Variants in DOP1A observed in about 807,000 individuals in gnomAD.
DOP1A encodes the protein protein DOP1A.
DOP1A carries 90 observed loss-of-function variants against 267.6 expected under a neutral mutation model. The observed-to-expected ratio is 0.34, with a 90% CI of 0.28 to 0.40. DOP1A has a LOEUF of 0.40. DOP1A is among the 10% of genes least tolerant of loss of function. The pLI is 1.00. For missense variants in DOP1A, 2,437 were observed against 2,900.4 expected (o/e 0.84, Z 3.67); for synonymous variants, 932 against 999.1 (o/e 0.93, Z 1.27).
intron 1 of DOP1A, among the ~76,000 whole-genome samples, chr6:83,085,302 A>G (rs997556747): frequency 6.6e-6 from 1 of 152,238 alleles, no homozygotes; most frequent in African/African-American, 2.4e-5. Context: ...AACAACTAAG[A>G]TAAGGCTATT....
chr6:83,166,354 G>C (rs776661540), intron 38 of DOP1A: 4 of 696,102 alleles, frequency 5.7e-6, no homozygotes, highest in East Asian at 5.4e-5. Flanking sequence ...CATCTTCAAG[G>C]CTCTAGTCTC....
downstream of DOP1A, chr6:83,168,946 A>G: frequency 8.8e-7 from 1 of 1,139,752 alleles, no homozygotes. Flanking sequence ...GCCTGCATGA[A>G]TTGTTCCCCA....
chr6:83,148,641 T>C (rs1199184330), intron 26 of DOP1A, 118 bp from the exon 27 acceptor site: 5 of 605,982 alleles, frequency 8.3e-6, no homozygotes, highest in Non-Finnish European at 1.4e-5. Flanking sequence ...TTAGTAAAAA[T>C]GTAAAGTTTT....
intron 6 of DOP1A, 48 bp downstream of exon 6, chr6:83,110,362 T>C (rs757071859): frequency 6.4e-7 from 1 of 1,564,888 alleles, no homozygotes; most frequent in African/African-American, 1.4e-5. Context: ...TTCTTTAGAG[T>C]CAGGCACTAT....
intron 26 of DOP1A, 62 bp from the exon 27 acceptor site, chr6:83,148,697 C>A (rs1781012274): frequency 2.6e-6 from 3 of 1,145,960 alleles, no homozygotes; most frequent in African/African-American, 1.6e-5. Context: ...AGAGAATGTT[C>A]CACAAACTAG....
At chr6:83,141,564 T>C (rs937623047) in intron 23 of DOP1A, among the ~76,000 whole-genome samples, 3 of 152,204 alleles carry the variant, frequency 2.0e-5, no homozygotes, top group African/African-American at 7.2e-5. Flanking sequence ...TGTTTCGTTT[T>C]ACTTAAATAA....
chr6:83,125,418 A>G (rs1051182567), intron 14 of DOP1A, 82 bp from the exon 15 acceptor site: 1 of 1,275,708 alleles, frequency 7.8e-7, no homozygotes, highest in East Asian at 2.4e-5. Context: ...GAGTAAAATC[A>G]TTGCCTATTT....
intron 7 of DOP1A, among the ~76,000 whole-genome samples, chr6:83,113,673 T>C (rs1582983503): frequency 6.6e-6 from 1 of 152,170 alleles, no homozygotes; most frequent in Non-Finnish European, 1.5e-5. Context: ...TTGTAACATA[T>C]AAAAAGCAAG....
chr6:83,127,125 T>A (rs887099938), intron 15 of DOP1A, among the ~76,000 whole-genome samples: 5 of 152,236 alleles, frequency 3.3e-5, no homozygotes, highest in Admixed American at 6.5e-5. Context: ...GTTCACATAG[T>A]GATGTTACCT....
chr6:83,074,830 G>A (rs994604298), intron 1 of DOP1A, among the ~76,000 whole-genome samples: 2 of 152,184 alleles, frequency 1.3e-5, no homozygotes, highest in Non-Finnish European at 2.9e-5. Flanking sequence ...CAACACTTTG[G>A]AAGGCCAAGG....
intron 1 of DOP1A, among the ~76,000 whole-genome samples, chr6:83,071,721 G>T (rs760979348): frequency 9.9e-5 from 15 of 152,072 alleles, no homozygotes; most frequent in South Asian, 2.1e-4. Flanking sequence ...AGTAAAAAAA[G>T]TTACTTTAAA....
chr6:83,085,653 G>A (rs960693909), intron 1 of DOP1A, among the ~76,000 whole-genome samples: 9 of 152,170 alleles, frequency 5.9e-5, no homozygotes, highest in Non-Finnish European at 1.2e-4. Flanking sequence ...TTTGTATTTA[G>A]GGTATAGCTA....
At chr6:83,110,033 G>A (rs2128175005) in intron 5 of DOP1A, 92 bp from the exon 6 acceptor site, 1 of 1,312,624 alleles carries the variant, frequency 7.6e-7, no homozygotes, top group Non-Finnish European at 1.0e-6. Flanking sequence ...TGTAGCATGG[G>A]TGTTTGCATA....
chr6:83,140,912 A>G (rs1001501528), intron 23 of DOP1A, among the ~76,000 whole-genome samples: 4 of 152,058 alleles, frequency 2.6e-5, no homozygotes, highest in African/African-American at 9.7e-5. Context: ...TAATATGCAA[A>G]GCCCTCCTAG....
In DOP1A at chr6:83,110,245, T is replaced by C; in HGVS notation, c.612T>C (p.Leu204=). The C allele has an allele frequency of 6.2e-7, 1 of 1,614,092 alleles. No individual in the cohort carries two copies. The stretch of plus-strand genomic sequence containing the variant: ...GTTTACCTGGAATCACGTATGTTCT[T>C]GCCCATTTAAACAGGAAGCTTTCTA... The part of the protein sequence containing the change: ...AVRLPGITYV[L]AHLNRKLSME... The change falls in exon 6 of 39, where the codon CTT becomes CTC. Residue 204 remains leucine, a synonymous_variant. Transcript: ENST00000349129.
chr6:83,096,302 G>A (rs1771501054), intron 1 of DOP1A, among the ~76,000 whole-genome samples: 1 of 150,926 alleles, frequency 6.6e-6, no homozygotes, highest in Non-Finnish European at 1.5e-5. Flanking sequence ...TGCTGGTCTT[G>A]AAACCTTGAT....
At chr6:83,130,068 T>C (rs1777786736) in intron 16 of DOP1A, 55 bp from the exon 17 acceptor site, 1 of 1,564,586 alleles carries the variant, frequency 6.4e-7, no homozygotes, top group Non-Finnish European at 8.6e-7. Flanking sequence ...TAACTTAGAG[T>C]GTGTGTGAAA....
chr6:83,123,043 T>C (rs1461561608), intron 12 of DOP1A, 61 bp downstream of exon 12: 13 of 1,514,852 alleles, frequency 8.6e-6, no homozygotes, highest in Non-Finnish European at 1.1e-5. Context: ...TTGGGTTTTT[T>C]TTAAGTTGTT....
chr6:83,169,709 A>G, downstream of DOP1A: 1 of 459,576 alleles, frequency 2.2e-6, no homozygotes, highest in Non-Finnish European at 4.4e-6. Flanking sequence ...AAGCTTCTGC[A>G]GGAAAGCTGC....
Sources: gnomAD v4.1 joint callset for allele counts (sites outside exome capture counted in the v4.1 genomes callset) on GRCh38, gnomAD v4.1.1 for gene constraint, MANE v1.5 for transcripts, NCBI Gene and HGNC (gene_info 2026-07-23, HGNC 2026-07-21) for gene names.